Variants in TDP1 observed in about 807,000 individuals in gnomAD.
The protein encoded by TDP1 is tyr-DNA phosphodiesterase 1.
A neutral mutation model predicts 81.5 loss-of-function variants in TDP1; 64 were observed. The ratio of observed to expected loss-of-function variants is 0.79; its 90% CI spans 0.64 to 0.97. TDP1 has a LOEUF of 0.97. Ranked by LOEUF, TDP1 falls within the 50% of genes least tolerant of loss-of-function variation. The pLI, the probability that TDP1 is intolerant of heterozygous loss-of-function variation, is 0.00. For synonymous variants in TDP1, 256 were observed against 264.3 expected, an observed-to-expected ratio of 0.97 and a Z score of 0.30; for missense variants, 723 against 743.8, an observed-to-expected ratio of 0.97 and a Z score of 0.33.
intron 14 of TDP1, among the ~76,000 whole-genome samples, chr14:90,018,208 C>A (rs1166519265): frequency 6.6e-6 from 1 of 152,072 alleles, no homozygotes; most frequent in Non-Finnish European, 1.5e-5. Flanking sequence ...TCACAGTCAT[C>A]CACAAAGTCA....
At chr14:90,026,084 C>A (rs1167557878) in intron 15 of TDP1, among the ~76,000 whole-genome samples, 2 of 152,246 alleles carry the variant, frequency 1.3e-5, no homozygotes, top group Admixed American at 6.5e-5. Flanking sequence ...TCCAAAAAGT[C>A]AAGTCTCTAC....
In TDP1 at chr14:89,989,056, A is replaced by G. The variant is rs762945256; in HGVS notation, c.1283A>G (p.Lys428Arg). ...ESMLTLGKES[K>R]TPGKSSVPLY... ...ATGCTGACACTGGGGAAGGAAAGCA[A>G]GACTCCAGGAAAAAGCTCTGTTCCT... Residue 428 changes from lysine to arginine, a missense_variant, in exon 11 of 17, where the codon AAG becomes AGG. Transcript: ENST00000335725. The G allele has an allele frequency of 1.2e-6, 2 of 1,614,134 alleles. No homozygotes were observed. Among genetic ancestry groups the G allele is most frequent in the East Asian group, 2.2e-5 (1 of 44,880 alleles).
At chr14:89,987,114 G>A (rs1315667704) in intron 10 of TDP1, 1 of 152,260 alleles carries the variant, frequency 6.6e-6, no homozygotes, top group East Asian at 1.9e-4. Context: ...GTTAAACTAT[G>A]ACTGTTAAGC....
At chr14:89,980,254 T>G in intron 7 of TDP1, 1 of 985,396 alleles carries the variant, frequency 1.0e-6, no homozygotes, top group Non-Finnish European at 1.2e-6. Flanking sequence ...TAATGCTGAA[T>G]AGATAATAAG....
At chr14:89,990,290 C>T (rs907511670) in intron 12 of TDP1, among the ~76,000 whole-genome samples, 1 of 152,152 alleles carries the variant, frequency 6.6e-6, no homozygotes, top group East Asian at 1.9e-4. Context: ...TCAACGCTGT[C>T]CCTTTCCCTT....
intron 15 of TDP1, among the ~76,000 whole-genome samples, chr14:90,020,170 A>G (rs1010274408): frequency 3.9e-5 from 6 of 152,126 alleles, no homozygotes; most frequent in African/African-American, 1.4e-4. Flanking sequence ...GCTGGGGTGT[A>G]CAAGCCATCT....
At chr14:90,010,723 AAC>A (rs1391673805) in intron 14 of TDP1, among the ~76,000 whole-genome samples, 1 of 152,210 alleles carries the variant, frequency 6.6e-6, no homozygotes, top group Middle Eastern at 3.2e-3. Context: ...CTCTGGAAGA[AAC>A]ACAATCCTCC....
chr14:89,981,243 T>C (rs1199372142), intron 8 of TDP1, among the ~76,000 whole-genome samples: 1 of 152,204 alleles, frequency 6.6e-6, no homozygotes, highest in East Asian at 1.9e-4. Flanking sequence ...CTTTAGTGTG[T>C]TAATAAAGTT....
At chr14:89,985,551 CAG>C (rs1331899171) in intron 10 of TDP1, among the ~76,000 whole-genome samples, 5 of 151,644 alleles carry the variant, frequency 3.3e-5, no homozygotes, top group African/African-American at 1.2e-4. Flanking sequence ...ATTCAACAAA[CAG>C]AAAATGTTGA....
chr14:90,026,710 T>G (rs1374310289), intron 15 of TDP1, among the ~76,000 whole-genome samples: 2 of 151,944 alleles, frequency 1.3e-5, no homozygotes, highest in African/African-American at 4.8e-5. Context: ...ACATGTGGTG[T>G]TTGGTTTTCT....
At chr14:89,973,496 A>C (rs1277299613) in intron 6 of TDP1, among the ~76,000 whole-genome samples, 1 of 152,226 alleles carries the variant, frequency 6.6e-6, no homozygotes, top group Non-Finnish European at 1.5e-5. Flanking sequence ...AGGCTGACGT[A>C]CAGGATTGTG....
intron 15 of TDP1, among the ~76,000 whole-genome samples, chr14:90,028,820 T>G (rs1237869532): frequency 6.6e-6 from 1 of 152,150 alleles, no homozygotes; most frequent in Non-Finnish European, 1.5e-5. Context: ...AATGGAGTCA[T>G]GGGTCGAGCA....
chr14:90,037,629 C>T (rs865785971), intron 16 of TDP1, among the ~76,000 whole-genome samples: 1 of 152,196 alleles, frequency 6.6e-6, no homozygotes, highest in Non-Finnish European at 1.5e-5. Flanking sequence ...ATCACATTTA[C>T]ATCCTCTCTC....
At chr14:90,035,963 C>T (rs1417511827) in intron 16 of TDP1, among the ~76,000 whole-genome samples, 1 of 152,104 alleles carries the variant, frequency 6.6e-6, no homozygotes, top group African/African-American at 2.4e-5. Flanking sequence ...GGGCCCTTTC[C>T]TTCCAGTAAA....
At chr14:90,041,915 T>C (rs1888397856) in intron 16 of TDP1, among the ~76,000 whole-genome samples, 1 of 152,230 alleles carries the variant, frequency 6.6e-6, no homozygotes, top group Non-Finnish European at 1.5e-5. Flanking sequence ...CAACAGGAGC[T>C]TTCACAGATG....
intron 15 of TDP1, among the ~76,000 whole-genome samples, chr14:90,020,423 C>T (rs562183588): frequency 2.2e-5 from 3 of 138,666 alleles, no homozygotes; most frequent in East Asian, 2.3e-4. Flanking sequence ...ATCGCCCACA[C>T]GATGAGATGG....
In TDP1 at chr14:89,991,734, G is replaced by A. The variant is rs139812278; in HGVS notation, c.1367-183G>A. The stretch of plus-strand genomic sequence containing the variant: ...GTTAATACTGAAGGAAGGAAACCTC[G>A]TTAAGAGAACATATCTAGTGCAACT... On this transcript the variant is annotated intron_variant, in intron 12 of 16. Transcript: ENST00000335725. The A allele has an allele frequency of 4.9e-3, 4,229 of 861,906 alleles. 17 individuals are homozygous for A. The highest frequency in any genetic ancestry group is 5.4e-3 in the Non-Finnish European group (3,859 of 717,538). The allele number at this position is 861,906 out of a possible 1,614,324, so 53.4% of individuals were successfully genotyped here. A position where few individuals can be genotyped will look rare whatever the true frequency, so the allele number is the denominator to read the frequency against.
chr14:89,971,186 T>C lies in TDP1; in HGVS notation c.671T>C (p.Ile224Thr). 1.2e-6 allele frequency: 2 copies of C among 1,613,924 alleles called. No homozygotes were observed. The highest frequency in any genetic ancestry group is 1.7e-6 in the Non-Finnish European group (2 of 1,179,878). Residue 224 changes from isoleucine to threonine, a missense_variant, in exon 6 of 17, where the codon ATC becomes ACC. By Grantham distance (89) the Ile-to-Thr change is moderately conservative (BLOSUM62 -1). Coordinates refer to ENST00000335725, the MANE Select transcript of TDP1 (RefSeq NM_018319.4). ...QYPPEFRKKP[I>T]LLVHGDKREA... ...TGCTCTCTTTTTAGGAAGAAGCCAATCCTGCTTGTGCATGGTGATAAGCGA... is the reference window on the plus strand; with the variant it reads ...TGCTCTCTTTTTAGGAAGAAGCCAACCCTGCTTGTGCATGGTGATAAGCGA...
chr14:89,960,898 C>A (rs1226783943), intron 2 of TDP1, among the ~76,000 whole-genome samples: 4 of 152,160 alleles, frequency 2.6e-5, no homozygotes, highest in Non-Finnish European at 4.4e-5. Flanking sequence ...CTGAAAAAAT[C>A]ATGAGATCTA....
Sources: gnomAD v4.1 joint callset for allele counts (sites outside exome capture counted in the v4.1 genomes callset) on GRCh38, gnomAD v4.1.1 for gene constraint, MANE v1.5 for transcripts, NCBI Gene and HGNC (gene_info 2026-07-23, HGNC 2026-07-21) for gene names.